Variants in PPARGC1A observed in about 807,000 individuals in gnomAD.
PPARGC1A encodes the protein PPARG coactivator 1 alpha.
A neutral mutation model predicts 88.7 loss-of-function variants in PPARGC1A; 25 were observed. The ratio of observed to expected loss-of-function variants is 0.28; its 90% CI spans 0.21 to 0.39. The LOEUF (loss-of-function observed/expected upper bound fraction) is 0.39, where lower values mean the gene tolerates loss of function less well. PPARGC1A is among the 10% of genes least tolerant of loss of function. The probability of loss-of-function intolerance (pLI) is 1.00; values close to 1 mark genes in which losing one functional copy is unlikely to be tolerated. For synonymous variants in PPARGC1A, 363 were observed against 355.6 expected, an observed-to-expected ratio of 1.02 and a Z score of -0.24; for missense variants, 880 against 968.7, an observed-to-expected ratio of 0.91 and a Z score of 1.22.
At chr4:23,824,653 C>T (rs910077214) in intron 5 of PPARGC1A, 145 bp from the exon 6 acceptor site, 3 of 746,098 alleles carry the variant, frequency 4.0e-6, no homozygotes, top group South Asian at 3.8e-5. Context: ...CAAAGTCAGA[C>T]AAAAGTCCAT....
the PPARGC1A span, among the ~76,000 whole-genome samples, chr4:24,126,906 G>A: frequency 2.6e-5 from 4 of 152,082 alleles, no homozygotes; most frequent in Non-Finnish European, 4.4e-5. Flanking sequence ...GCATCACGAG[G>A]ACTTCCCAGA....
the PPARGC1A span, among the ~76,000 whole-genome samples, chr4:24,126,277 A>ACG: frequency 6.6e-6 from 1 of 151,658 alleles, no homozygotes; most frequent in Non-Finnish European, 1.5e-5. Flanking sequence ...CCACACACAC[A>ACG]CACACACACA....
chr4:23,881,454 C>A (rs1056207731), intron 2 of PPARGC1A: 2 of 152,146 alleles, frequency 1.3e-5, no homozygotes, highest in Non-Finnish European at 2.9e-5. Flanking sequence ...CATTCAGCTT[C>A]ATTTTTTATC....
chr4:24,016,985 C>A, the PPARGC1A span, among the ~76,000 whole-genome samples: 1 of 152,004 alleles, frequency 6.6e-6, no homozygotes, highest in Non-Finnish European at 1.5e-5. Flanking sequence ...ATTGTAGGAA[C>A]AGGAAGGAAG....
chr4:24,446,502 A>G, the PPARGC1A span, among the ~76,000 whole-genome samples: 3 of 152,082 alleles, frequency 2.0e-5, no homozygotes, highest in African/African-American at 7.2e-5. Flanking sequence ...GACAAAGACT[A>G]TTTTAGCGAA....
chr4:23,822,978 A>G (rs1487872945), intron 7 of PPARGC1A, among the ~76,000 whole-genome samples: 6 of 152,058 alleles, frequency 3.9e-5, no homozygotes, highest in African/African-American at 1.2e-4. Flanking sequence ...AGTAAATAAT[A>G]TTTGCTTTCA....
At chr4:23,983,098 C>T in the PPARGC1A span, among the ~76,000 whole-genome samples, 1 of 152,084 alleles carries the variant, frequency 6.6e-6, no homozygotes, top group Non-Finnish European at 1.5e-5. Flanking sequence ...AAAAGTTTAA[C>T]TGACCTTTGA....
chr4:23,836,233 G>T (rs1725985246), intron 2 of PPARGC1A, among the ~76,000 whole-genome samples: 1 of 152,176 alleles, frequency 6.6e-6, no homozygotes, highest in Non-Finnish European at 1.5e-5. Context: ...CACAAACTAA[G>T]CTCAGCCTTG....
the PPARGC1A span, among the ~76,000 whole-genome samples, chr4:24,177,312 T>C: frequency 6.6e-6 from 1 of 152,110 alleles, no homozygotes; most frequent in Non-Finnish European, 1.5e-5. Flanking sequence ...TCATGTCCTT[T>C]GTAGGGACAT....
At chr4:24,020,418 C>T in the PPARGC1A span, among the ~76,000 whole-genome samples, 1 of 152,056 alleles carries the variant, frequency 6.6e-6, no homozygotes, top group African/African-American at 2.4e-5. Flanking sequence ...ATTAATTTTC[C>T]ACAGTCAGCC....
At chr4:23,960,510 A>C in the PPARGC1A span, among the ~76,000 whole-genome samples, 4 of 152,178 alleles carry the variant, frequency 2.6e-5, no homozygotes, top group Non-Finnish European at 4.4e-5. Context: ...CTATTTTGAA[A>C]GGTAGGAATG....
chr4:24,076,019 C>T, the PPARGC1A span, among the ~76,000 whole-genome samples: 3 of 152,122 alleles, frequency 2.0e-5, no homozygotes, highest in Admixed American at 1.3e-4. Flanking sequence ...CATCATAGTT[C>T]CCATTAGCCA....
chr4:23,889,977 A>G lies in PPARGC1A; in HGVS notation c.-20T>C. 1 of 1,613,688 alleles carries G rather than the reference A, an allele frequency of 6.2e-7. No individual in the cohort carries two copies. The highest frequency in any genetic ancestry group is 8.5e-7 in the Non-Finnish European group (1 of 1,179,722). On this transcript the variant is annotated 5_prime_UTR_variant, in exon 1 of 13. Transcript: ENST00000264867. ...CGCCATCCAGCTCCTGAATGACGCCAGTCAAGCTTTTTCAACTCCAATCCA... is the reference window on the plus strand; with the variant it reads ...CGCCATCCAGCTCCTGAATGACGCCGGTCAAGCTTTTTCAACTCCAATCCA...
the PPARGC1A span, among the ~76,000 whole-genome samples, chr4:24,128,546 G>GTGTGTGTGTC: frequency 7.0e-6 from 1 of 142,452 alleles, no homozygotes; most frequent in African/African-American, 2.9e-5. Context: ...GTGTGTGTGT[G>GTGTGTGTGTC]TGTGTGTGTG....
At chr4:24,451,224 T>C in the PPARGC1A span, among the ~76,000 whole-genome samples, 1 of 152,212 alleles carries the variant, frequency 6.6e-6, no homozygotes, top group South Asian at 2.1e-4. Context: ...TTGTACTGTG[T>C]CTTATTGACT....
the PPARGC1A span, among the ~76,000 whole-genome samples, chr4:24,270,283 G>A: frequency 6.6e-6 from 1 of 150,854 alleles, no homozygotes; most frequent in South Asian, 2.1e-4. Context: ...AATCACATAA[G>A]TCAATCCCTT....
the PPARGC1A span, among the ~76,000 whole-genome samples, chr4:24,080,875 T>C: frequency 6.6e-6 from 1 of 152,122 alleles, no homozygotes; most frequent in Non-Finnish European, 1.5e-5. Flanking sequence ...GTATTTCAAG[T>C]AAGCACGATT....
At chr4:23,923,485 CAATG>C in the PPARGC1A span, among the ~76,000 whole-genome samples, 3 of 151,820 alleles carry the variant, frequency 2.0e-5, no homozygotes, top group Non-Finnish European at 4.4e-5. Context: ...ACCAAAAAAA[CAATG>C]AATAAGATAT....
the PPARGC1A span, among the ~76,000 whole-genome samples, chr4:24,239,313 T>C: frequency 1.3e-5 from 2 of 152,198 alleles, no homozygotes; most frequent in African/African-American, 2.4e-5. Flanking sequence ...AAGTGTGCTA[T>C]AAACAAGGCA....
Sources: allele counts gnomAD v4.1 joint callset (sites outside exome capture counted in the v4.1 genomes callset), GRCh38; gene constraint gnomAD v4.1.1; transcripts MANE v1.5; gene names NCBI Gene and HGNC (gene_info 2026-07-23, HGNC 2026-07-21).